MFSD12: variants seen among roughly 807,000 people sequenced by gnomAD.
MFSD12 encodes major facilitator superfamily domain-containing protein 12.
A neutral mutation model predicts 51.2 loss-of-function variants in MFSD12; 67 were observed. The observed-to-expected ratio is 1.31, with a 90% CI of 1.08 to 1.60. The LOEUF is 1.60. MFSD12 is among the 40% of genes most tolerant of loss of function. MFSD12 has a pLI of 0.00. For synonymous variants in MFSD12, 441 were observed against 316.7 expected (o/e 1.39, Z -4.17); for missense variants, 921 against 673.0 (o/e 1.37, Z -4.08).
At chr19:3,541,057 TACTCGGG>T (rs1209918902), downstream of MFSD12, among the ~76,000 whole-genome samples, 1 of 148,018 alleles carries the variant, frequency 6.8e-6, no homozygotes, top group African/African-American at 2.5e-5. Flanking sequence ...CAATCCCAGC[TACTCGGG>T]AGGCTGAGGC....
chr19:3,550,299 A>T (rs1599835228), intron 2 of MFSD12, among the ~76,000 whole-genome samples: 1 of 152,266 alleles, frequency 6.6e-6, no homozygotes, highest in East Asian at 1.9e-4. Context: ...CTGTAATCGC[A>T]GCACTTTGGG....
rs2031768124 is a variant in MFSD12 at position 3,557,149 on chromosome 19, G to C, written c.255C>G (p.Ser85Arg). 1.3e-6 allele frequency: 2 copies of C among 1,516,520 alleles called. No homozygotes were observed. The highest frequency in any genetic ancestry group is 5.4e-5 in the East Asian group (2 of 36,830). The allele number at this position is 1,516,520 out of a possible 1,614,324, so 93.9% of individuals were successfully genotyped here. A position where few individuals can be genotyped will look rare whatever the true frequency, so the allele number is the denominator to read the frequency against. Residue 85 changes from serine to arginine, a missense_variant, in exon 1 of 10, where the codon AGC becomes AGG. Transcript: ENST00000355415. Reference sequence around the variant, plus strand: ...TGCGCGGGCCGTAGCGGGCGCAGCAGCTGGCGGCGCGGTCGGCCTCGTAGC... The same window carrying C: ...TGCGCGGGCCGTAGCGGGCGCAGCACCTGGCGGCGCGGTCGGCCTCGTAGC... ...LVGYEADRAA[S>R]CCARYGPRKA...
rs965299704 is a variant in MFSD12, at chr19:3,551,703, G to A, written c.299-509C>T. ...CCCCACCTGAGATCTGCGGTGGCAA[G>A]GCCTGGCTCTTCACATCCTCAGAAG... is the stretch of plus-strand genomic sequence containing the variant. On this transcript the variant is annotated intron_variant, in intron 1 of 9. Transcript: ENST00000355415. The surrounding 1 kb of genome is among the most constrained non-coding windows in gnomAD (Gnocchi z 4.6). Among the ~76,000 whole-genome samples, 8 of 152,150 alleles carry A rather than the reference G, an allele frequency of 5.3e-5. No homozygotes were observed. The highest frequency in any genetic ancestry group is 1.0e-4 in the Non-Finnish European group (7 of 68,024).
chr19:3,544,163 G>A (rs1479956727), downstream of MFSD12: 2 of 1,378,234 alleles, frequency 1.5e-6, no homozygotes, highest in African/African-American at 1.5e-5. Flanking sequence ...GGCTACCCCT[G>A]CCCAGAGCCC....
At chr19:3,543,317 C>A, downstream of MFSD12, 2 of 1,549,316 alleles carry the variant, frequency 1.3e-6, no homozygotes, top group Middle Eastern at 3.6e-4. Flanking sequence ...GCCCATGGGA[C>A]GGGACGCAGC....
At chr19:3,555,903 G>T (rs2145226302) in intron 1 of MFSD12, among the ~76,000 whole-genome samples, 1 of 152,364 alleles carries the variant, frequency 6.6e-6, no homozygotes, top group East Asian at 1.9e-4. Context: ...TCCGGGAGGG[G>T]AGAGGAGGGC....
At chr19:3,547,161 G>A (rs1020537913) in intron 6 of MFSD12, 111 bp downstream of exon 6, 74 of 947,352 alleles carry the variant, frequency 7.8e-5, no homozygotes, top group Admixed American at 1.6e-4. Flanking sequence ...TCTACAAGGC[G>A]GGAACTCGGA....
At chr19:3,555,851 A>C (rs1007769308) in intron 1 of MFSD12, among the ~76,000 whole-genome samples, 1 of 152,226 alleles carries the variant, frequency 6.6e-6, no homozygotes, top group Non-Finnish European at 1.5e-5. Context: ...TGTGAGGGCA[A>C]GAAGAGCAGG....
In MFSD12 at chr19:3,547,997, C is replaced by T. The variant is rs753577445; in HGVS notation, c.688G>A (p.Val230Met). ...CCCAGGTGGAATAGCAGTGAGAACA[C>T]GGCGCCGACACCCACCACCAGCAGG... ...LSLLVVGVGA[V>M]FSLLFHLGTR... Residue 230 changes from valine to methionine, a missense_variant, in exon 4 of 10, where the codon GTG becomes ATG. Physicochemically the swap from Val to Met is conservative, Grantham distance 21. Coordinates refer to ENST00000355415, the MANE Select transcript of MFSD12 (RefSeq NM_174983.5). 106 of 1,598,568 alleles carry T rather than the reference C, an allele frequency of 6.6e-5. No homozygotes were observed. The highest frequency in any genetic ancestry group is 8.1e-5 in the Non-Finnish European group (96 of 1,179,318).
intron 1 of MFSD12, among the ~76,000 whole-genome samples, chr19:3,553,787 A>G (rs555171422): frequency 2.7e-4 from 40 of 150,682 alleles, no homozygotes; most frequent in African/African-American, 9.7e-4. Context: ...AAAGAAAGGA[A>G]AAGAAAAGAA....
chr19:3,549,121 A>G (rs1568258944), intron 2 of MFSD12, among the ~76,000 whole-genome samples: 1 of 152,180 alleles, frequency 6.6e-6, no homozygotes, highest in Non-Finnish European at 1.5e-5. Context: ...AAGGGCCTAT[A>G]ACTATGCCAG....
At position 3,557,228 on chromosome 19, in the gene MFSD12, C is replaced by A. The variant is rs771656583; in HGVS notation, c.176G>T (p.Gly59Val). The change falls in exon 1 of 10, where the codon GGG (glycine) becomes GTG (valine). Residue 59 changes from glycine to valine, a missense_variant. Gly to Val is a moderately radical substitution (Grantham distance 109, BLOSUM62 -3). Coordinates refer to ENST00000355415, the MANE Select transcript of MFSD12 (RefSeq NM_174983.5). ...SVRAYSSRGA[G>V]LLLLLGQVAD... ...CACCTGGCCCAGCAGCAGCAGCAGC[C>A]CCGCGCCGCGGGAGCTGTAGGCGCG... 1 of 1,590,232 alleles carries A rather than the reference C, an allele frequency of 6.3e-7. No individual in the cohort carries two copies. Among genetic ancestry groups the A allele is most frequent in the East Asian group, 2.3e-5 (1 of 43,156 alleles).
intron 2 of MFSD12, 60 bp from the exon 3 acceptor site, chr19:3,548,327 C>T (rs1426050498): frequency 1.3e-6 from 2 of 1,533,088 alleles, no homozygotes; most frequent in East Asian, 2.5e-5. Flanking sequence ...ACTTCCTCCC[C>T]ACGTGGCTAC....
In MFSD12 at chr19:3,557,543, G is replaced by A. The variant is rs1473230406; in HGVS notation, c.-140C>T. On this transcript the variant is annotated 5_prime_UTR_variant, in exon 1 of 10. Transcript: ENST00000355415. Reference sequence around the variant, plus strand: ...CCGCGTCCCGCTCTCTTACGGCCGCGCCCTCACCCACGTCCGCCGCGTCCG... The same window carrying A: ...CCGCGTCCCGCTCTCTTACGGCCGCACCCTCACCCACGTCCGCCGCGTCCG... The A allele has an allele frequency of 2.5e-6, 1 of 403,732 alleles. No homozygotes were observed. 25.0% of individuals were successfully genotyped at this position (403,732 alleles called of 1,614,324 possible).
chr19:3,544,687 C>G lies in MFSD12; in HGVS notation c.*23G>C, dbSNP rs1424055691. The G allele has an allele frequency of 1.3e-6, 2 of 1,586,194 alleles. No individual in the cohort carries two copies. Among genetic ancestry groups the G allele is most frequent in the Non-Finnish European group, 1.7e-6 (2 of 1,164,062 alleles). On this transcript the variant is annotated 3_prime_UTR_variant, in exon 10 of 10. Transcript: ENST00000355415. ...CGTGCGTCCCCACAGTTCCCTTGCA[C>G]AGGTGCAGGAGGCTGTCAGGAGTCA... is the stretch of plus-strand genomic sequence containing the variant.
downstream of MFSD12, chr19:3,542,795 A>G: frequency 7.3e-7 from 1 of 1,370,180 alleles, no homozygotes; most frequent in Non-Finnish European, 9.8e-7. Flanking sequence ...TGGGTCCCCC[A>G]GTCTTCCCTG....
In MFSD12 at chr19:3,551,065, GC is replaced by G. The variant is rs1193691289; in HGVS notation, c.427del (p.Ala143ProfsTer143). 1.2e-6 allele frequency: 2 copies of G among 1,613,032 alleles called. No individual in the cohort carries two copies. The highest frequency in any genetic ancestry group is 1.7e-6 in the Non-Finnish European group (2 of 1,179,984). On this transcript the variant is annotated frameshift_variant, in exon 2 of 10. Coordinates refer to ENST00000355415, the MANE Select transcript of MFSD12 (RefSeq NM_174983.5). LOFTEE classifies it high-confidence loss of function. The surrounding 1 kb of genome is among the most constrained non-coding windows in gnomAD (Gnocchi z 4.6). The part of the protein sequence containing the change: ...PFIVIFQFGW[A>X]STQISHLSLI... ...GCTGAGGTGGGAGATCTGTGTGGAG[GC>G]CCAGCCAAACTGGAAGATCACGATG...
downstream of MFSD12, chr19:3,539,284 CCCCTCCCAGCCCCTCCCT>C (rs1192980964): frequency 2.2e-6 from 3 of 1,377,392 alleles, no homozygotes; most frequent in East Asian, 7.5e-5. Flanking sequence ...TACAGGTGAG[CCCCTCCCAGCCCCTCCCT>C]CCCTCCCTCC....
chr19:3,547,688 A>G, intron 4 of MFSD12, 141 bp from the exon 5 acceptor site: 2 of 1,171,088 alleles, frequency 1.7e-6, no homozygotes, highest in Non-Finnish European at 2.4e-6. Context: ...GGGGTGGGCC[A>G]GGAAGAGGAG....
Sources: allele counts gnomAD v4.1 joint callset (sites outside exome capture counted in the v4.1 genomes callset), GRCh38; gene constraint gnomAD v4.1.1; non-coding constraint Gnocchi (gnomAD v3.1); transcripts MANE v1.5; gene names NCBI Gene and HGNC (gene_info 2026-07-23, HGNC 2026-07-21).